Variants in LGALS1 observed in about 807,000 individuals in gnomAD.
LGALS1 encodes galectin-1.
Under a neutral mutation model 14.4 loss-of-function variants are expected in LGALS1, and 14 were observed. The observed-to-expected ratio is 0.97, with a 90% CI of 0.64 to 1.52. The LOEUF is 1.52. Ranked by LOEUF, LGALS1 falls within the 40% of genes most tolerant of loss-of-function variation. LGALS1 has a pLI of 0.00. For missense variants in LGALS1, 170 were observed against 181.4 expected (o/e 0.94, Z 0.36); for synonymous variants, 71 against 73.4 (o/e 0.97, Z 0.17).
Position 37,677,261 on chromosome 22 carries a change from C to T in LGALS1, c.89+196C>T. 4 of 602,704 alleles carry T rather than the reference C, an allele frequency of 6.6e-6. No individual in the cohort carries two copies. In the South Asian group the frequency reaches 7.6e-5, roughly 12 times the overall value. 37.3% of individuals were successfully genotyped at this position (602,704 alleles called of 1,614,324 possible). On this transcript the variant is annotated intron_variant, in intron 2 of 3. Coordinates refer to ENST00000215909, the MANE Select transcript of LGALS1 (RefSeq NM_002305.4). ...CCGTTGCCGCCCCCTCCCCCGCTCC[C>T]TCCCTGCTGTAGCCTCTTAAACTAA...
rs1224013009 is a variant in LGALS1, at chr22:37,675,666, G to T, written c.-37G>T. 5.2e-6 allele frequency: 8 copies of T among 1,547,930 alleles called. No homozygotes were observed. The highest frequency in any genetic ancestry group is 3.9e-5 in the Admixed American group (2 of 50,672). ...TCTCGGGTGGAGTCTTCTGACAGCTGGTGCGCCTGCCCGGGAACATCCTCC... is the reference window on the plus strand; with the variant it reads ...TCTCGGGTGGAGTCTTCTGACAGCTTGTGCGCCTGCCCGGGAACATCCTCC... On this transcript the variant is annotated 5_prime_UTR_variant, in exon 1 of 4. Transcript: ENST00000215909.
chr22:37,676,936 A>G, intron 1 of LGALS1, 50 bp from the exon 2 acceptor site: 4 of 1,566,314 alleles, frequency 2.6e-6, no homozygotes, highest in Non-Finnish European at 3.5e-6. Flanking sequence ...CACTTCGAGC[A>G]GTGGAGGCCT....
chr22:37,676,994 C>A lies in LGALS1; in HGVS notation c.18C>A (p.Val6=). Residue 6 remains valine, a synonymous_variant, in exon 2 of 4, where the codon GTC becomes GTA. Coordinates refer to ENST00000215909, the MANE Select transcript of LGALS1 (RefSeq NM_002305.4). ...GGGGCTTGTCTGTGCAGGGTCTGGT[C>A]GCCAGCAACCTGAATCTCAAACCTG... MACGL[V]ASNLNLKPGE... 1 of 1,614,090 alleles carries A rather than the reference C, an allele frequency of 6.2e-7. No homozygotes were observed. Among genetic ancestry groups the A allele is most frequent in the South Asian group, 1.1e-5 (1 of 91,082 alleles).
chr22:37,678,005 G>A (rs190874443), intron 2 of LGALS1, among the ~76,000 whole-genome samples: 13 of 152,188 alleles, frequency 8.5e-5, no homozygotes, highest in African/African-American at 2.4e-4. Context: ...GGCTGGTCTC[G>A]AACTCCTGAC....
intron 2 of LGALS1, 126 bp downstream of exon 2, chr22:37,677,191 G>A (rs1921461076): frequency 2.2e-6 from 2 of 912,136 alleles, no homozygotes; most frequent in Admixed American, 2.3e-5. Context: ...CCGATGCTGC[G>A]TTTTCTGGGT....
chr22:37,678,844 A>C lies in LGALS1; in HGVS notation c.261+190A>C, dbSNP rs1921532434. Among the ~76,000 whole-genome samples the C allele has an allele frequency of 2.0e-5, 3 of 152,178 alleles. No individual in the cohort carries two copies. The South Asian group carries it at 6.2e-4, about 32-fold the overall frequency. On this transcript the variant is annotated intron_variant, in intron 3 of 3. Transcript: ENST00000215909. ...ATTACAATAAAACGAAGGGGAAAAA[A>C]AAAGGCTGGGCTTGGTGGCTCATGC...
intron 2 of LGALS1, 139 bp downstream of exon 2, chr22:37,677,204 C>T: frequency 1.2e-6 from 1 of 810,072 alleles, no homozygotes; most frequent in East Asian, 2.7e-5. Flanking sequence ...TTCTGGGTGA[C>T]TCACTTCCCC....
intron 3 of LGALS1, among the ~76,000 whole-genome samples, chr22:37,679,214 C>T (rs1921547871): frequency 6.6e-6 from 1 of 151,540 alleles, no homozygotes; most frequent in South Asian, 2.1e-4. Flanking sequence ...GGTGGATCAC[C>T]TGAGGTCAGG....
At chr22:37,675,963 T>C (rs1223053062) in intron 1 of LGALS1, among the ~76,000 whole-genome samples, 1 of 152,164 alleles carries the variant, frequency 6.6e-6, no homozygotes, top group African/African-American at 2.4e-5. Flanking sequence ...CTGCCCAGGG[T>C]TGACATTCTG....
chr22:37,676,986 G>T lies in LGALS1; in HGVS notation c.10G>T (p.Gly4Cys), dbSNP rs769577233. The change falls in exon 2 of 4, where the codon GGT (glycine) becomes TGT (cysteine). Residue 4 changes from glycine to cysteine, a missense_variant and splice_region_variant. Gly to Cys is a radical substitution (Grantham distance 159). Transcript: ENST00000215909. ...GCTGGGCCGGGGCTTGTCTGTGCAG[G>T]GTCTGGTCGCCAGCAACCTGAATCT... The part of the protein sequence containing the change: MAC[G>C]LVASNLNLKP... 234 of 1,613,972 alleles carry T rather than the reference G, an allele frequency of 1.4e-4. 1 individual carries two copies. The highest frequency in any genetic ancestry group is 7.1e-4 in the South Asian group (65 of 91,092).
In LGALS1 at chr22:37,679,617, C is replaced by T. The variant is rs370097853; in HGVS notation, c.276C>T (p.Phe92=). 197 of 1,606,542 alleles carry T rather than the reference C, an allele frequency of 1.2e-4. 1 individual carries two copies. The highest frequency in any genetic ancestry group is 2.9e-5 in the Non-Finnish European group (34 of 1,177,346). ...PGSVAEVCIT[F]DQANLTVKLP... is the part of the protein sequence containing the mutation. ...TCTACCCCCAGGTGTGCATCACCTT[C>T]GACCAGGCCAACCTGACCGTCAAGC... is the stretch of plus-strand genomic sequence containing the variant. The change falls in exon 4 of 4, where the codon TTC becomes TTT. Residue 92 remains phenylalanine (F), a synonymous_variant. Transcript: ENST00000215909.
intron 3 of LGALS1, 58 bp from the exon 4 acceptor site, chr22:37,679,545 G>A (rs1256072149): frequency 8.9e-6 from 13 of 1,454,610 alleles, no homozygotes; most frequent in East Asian, 5.2e-5. Context: ...CATGAGGAAC[G>A]GGTTCTGGAA....
At chr22:37,678,760 C>G (rs368995959) in intron 3 of LGALS1, 106 bp downstream of exon 3, 3 of 1,094,880 alleles carry the variant, frequency 2.7e-6, no homozygotes, top group African/African-American at 3.2e-5. Context: ...TTTCCCCTCC[C>G]CTTCCCTCCC....
chr22:37,677,262 T>C (rs1921466155), intron 2 of LGALS1, 197 bp downstream of exon 2: 2 of 599,494 alleles, frequency 3.3e-6, no homozygotes, highest in East Asian at 2.8e-5. Context: ...CCCCGCTCCC[T>C]CCCTGCTGTA....
Position 37,678,654 on chromosome 22 carries a change from G to T in LGALS1, c.261G>T (p.Glu87Asp). Residue 87 changes from glutamate to aspartate, a missense_variant and splice_region_variant, in exon 3 of 4, where the codon GAG becomes GAT. Physicochemically the swap from Glu to Asp is conservative, Grantham distance 45. Coordinates refer to ENST00000215909, the MANE Select transcript of LGALS1 (RefSeq NM_002305.4). ...VFPFQPGSVA[E>D]VCITFDQANL... ...CCTTCCAGCCTGGAAGTGTTGCAGA[G>T]GTGGGCTGCAGACCGGAACCGGGGA... 6.3e-7 allele frequency: 1 copy of T among 1,598,124 alleles called. No homozygotes were observed. Among genetic ancestry groups the T allele is most frequent in the African/African-American group, 1.3e-5 (1 of 74,616 alleles).
At position 37,675,711 on chromosome 22, in the gene LGALS1, T is replaced by C. The variant is rs1349210218; in HGVS notation, c.9T>C (p.Cys3=). MA[C]GLVASNLNLK... Reference sequence around the variant, plus strand: ...TCCTCCTGGACTCAATCATGGCTTGTGTGAGTGTGGGGACCCCCCCCCAAG... The same window carrying C: ...TCCTCCTGGACTCAATCATGGCTTGCGTGAGTGTGGGGACCCCCCCCCAAG... The change falls in exon 1 of 4, where the codon TGT becomes TGC. Residue 3 remains cysteine, a splice_region_variant and synonymous_variant. Transcript: ENST00000215909. 4.5e-6 allele frequency: 7 copies of C among 1,542,400 alleles called. No homozygotes were observed. The highest frequency in any genetic ancestry group is 6.1e-6 in the Non-Finnish European group (7 of 1,143,282).
At chr22:37,675,993 C>A in intron 1 of LGALS1, 1 of 354,760 alleles carries the variant, frequency 2.8e-6, no homozygotes, top group Non-Finnish European at 5.1e-6. Flanking sequence ...GAGAAGTGAG[C>A]GTGGGAAGGG....
chr22:37,676,029 C>T (rs1921412673), intron 1 of LGALS1: 1 of 291,922 alleles, frequency 3.4e-6, no homozygotes, highest in Non-Finnish European at 6.4e-6. Flanking sequence ...GACACCCAGG[C>T]CACTATCCCT....
At chr22:37,678,774 CTG>C in intron 3 of LGALS1, 120 bp downstream of exon 3, 2 of 977,266 alleles carry the variant, frequency 2.0e-6, no homozygotes, top group Non-Finnish European at 3.0e-6. Flanking sequence ...CCCTCCCTTC[CTG>C]TGTGATGGCC....
Sources: gnomAD v4.1 joint callset for allele counts (sites outside exome capture counted in the v4.1 genomes callset) on GRCh38, gnomAD v4.1.1 for gene constraint, MANE v1.5 for transcripts, NCBI Gene and HGNC (gene_info 2026-07-23, HGNC 2026-07-21) for gene names.